Variants in FHIT observed in about 807,000 individuals in gnomAD.
FHIT encodes bis(5'-adenosyl)-triphosphatase.
FHIT carries 19 observed loss-of-function variants against 17.9 expected under a neutral mutation model. The ratio of observed to expected loss-of-function variants is 1.06; its 90% CI spans 0.74 to 1.56. FHIT has a LOEUF of 1.56. Ranked by LOEUF, FHIT falls within the 40% of genes most tolerant of loss-of-function variation. FHIT has a pLI of 0.00. For synonymous variants in FHIT, 81 were observed against 69.7 expected (o/e 1.16, Z -0.81); for missense variants, 248 against 189.2 (o/e 1.31, Z -1.82).
chr3:60,021,059 C>T (rs212026), intron 5 of FHIT, among the ~76,000 whole-genome samples: 151,153 of 152,310 alleles, frequency 0.99, 75,010 homozygotes, highest in Middle Eastern at 1. Context: ...ATAAATGACA[C>T]AGATGTAATT....
At chr3:61,186,601 A>G (rs1187469632) in intron 2 of FHIT, among the ~76,000 whole-genome samples, 1 of 152,102 alleles carries the variant, frequency 6.6e-6, no homozygotes, top group Non-Finnish European at 1.5e-5. Context: ...ATGCTGAGAG[A>G]TATGTTTGTC....
intron 1 of FHIT, among the ~76,000 whole-genome samples, chr3:61,245,255 C>G (rs2040462292): frequency 6.6e-6 from 1 of 152,086 alleles, no homozygotes; most frequent in Non-Finnish European, 1.5e-5. Flanking sequence ...TCACTGAAAA[C>G]TAAAAACATC....
intron 5 of FHIT, among the ~76,000 whole-genome samples, chr3:60,426,882 C>T (rs948650314): frequency 2.0e-5 from 3 of 152,080 alleles, no homozygotes; most frequent in Admixed American, 6.6e-5. Context: ...AAGATTCTTG[C>T]CTCTGGTATA....
intron 8 of FHIT, among the ~76,000 whole-genome samples, chr3:59,915,986 G>T (rs1441485063): frequency 6.6e-6 from 1 of 151,330 alleles, no homozygotes; most frequent in Non-Finnish European, 1.5e-5. Context: ...ATCATATATT[G>T]TGACAGTTAA....
At chr3:60,603,090 G>A (rs1423445512) in intron 4 of FHIT, among the ~76,000 whole-genome samples, 2 of 152,190 alleles carry the variant, frequency 1.3e-5, no homozygotes, top group Non-Finnish European at 2.9e-5. Flanking sequence ...TTTGAAGGTA[G>A]TAAGAGAGGT....
intron 5 of FHIT, among the ~76,000 whole-genome samples, chr3:60,313,882 G>T (rs1417454262): frequency 6.6e-6 from 1 of 152,210 alleles, no homozygotes; most frequent in African/African-American, 2.4e-5. Context: ...GTTGTTTAAA[G>T]ATCAGGCTCA....
At chr3:59,755,047 T>C (rs1701137346) in intron 8 of FHIT, among the ~76,000 whole-genome samples, 1 of 152,162 alleles carries the variant, frequency 6.6e-6, no homozygotes, top group Admixed American at 6.5e-5. Flanking sequence ...GCACTTACTG[T>C]TGAGAATCAC....
At chr3:60,383,219 A>G (rs1224223958) in intron 5 of FHIT, among the ~76,000 whole-genome samples, 1 of 152,192 alleles carries the variant, frequency 6.6e-6, no homozygotes, top group Non-Finnish European at 1.5e-5. Context: ...AATGAGGTCA[A>G]AATAAGCTGG....
At chr3:60,028,886 C>T (rs1409477284) in intron 5 of FHIT, among the ~76,000 whole-genome samples, 2 of 152,072 alleles carry the variant, frequency 1.3e-5, no homozygotes, top group Non-Finnish European at 2.9e-5. Context: ...TATTTCATGA[C>T]ATTGAAAACA....
At chr3:60,931,528 T>C (rs942985953) in intron 3 of FHIT, among the ~76,000 whole-genome samples, 1 of 152,196 alleles carries the variant, frequency 6.6e-6, no homozygotes, top group Admixed American at 6.5e-5. Flanking sequence ...CTGTTTTTAG[T>C]ACAGATCTGT....
intron 5 of FHIT, among the ~76,000 whole-genome samples, chr3:60,202,494 T>C (rs1180390485): frequency 6.6e-6 from 1 of 152,182 alleles, no homozygotes; most frequent in Non-Finnish European, 1.5e-5. Flanking sequence ...CTAGTTGGCA[T>C]TAATTTACTT....
chr3:60,436,358 A>C (rs1330199729), intron 5 of FHIT, among the ~76,000 whole-genome samples: 1 of 151,962 alleles, frequency 6.6e-6, no homozygotes, highest in Non-Finnish European at 1.5e-5. Flanking sequence ...CCAGTACCAC[A>C]TTTTCTTTAT....
chr3:60,986,414 T>C (rs1710722259), intron 3 of FHIT, among the ~76,000 whole-genome samples: 1 of 152,190 alleles, frequency 6.6e-6, no homozygotes. Context: ...TGAATACTGG[T>C]AAATACATCT....
intron 2 of FHIT, among the ~76,000 whole-genome samples, chr3:61,109,481 T>C (rs1410018930): frequency 6.6e-6 from 1 of 152,082 alleles, no homozygotes; most frequent in Non-Finnish European, 1.5e-5. Flanking sequence ...AAATATGCCA[T>C]ATAAACTGCA....
intron 5 of FHIT, among the ~76,000 whole-genome samples, chr3:60,193,378 T>C (rs530222669): frequency 6.6e-6 from 1 of 152,174 alleles, no homozygotes; most frequent in African/African-American, 2.4e-5. Context: ...CTTTCCAGGC[T>C]AACAGAGGAG....
intron 5 of FHIT, among the ~76,000 whole-genome samples, chr3:60,074,475 G>A (rs1461389994): frequency 6.6e-6 from 1 of 151,854 alleles, no homozygotes; most frequent in Non-Finnish European, 1.5e-5. Flanking sequence ...TCCCTAGACA[G>A]ACACAAATTA....
At chr3:59,853,552 A>AG (rs1464425388) in intron 8 of FHIT, among the ~76,000 whole-genome samples, 2 of 152,240 alleles carry the variant, frequency 1.3e-5, no homozygotes, top group African/African-American at 4.8e-5. Context: ...TGAAACTGGA[A>AG]GCTTATCTAA....
chr3:59,956,394 G>A (rs1707399686), intron 7 of FHIT, among the ~76,000 whole-genome samples: 1 of 152,210 alleles, frequency 6.6e-6, no homozygotes, highest in African/African-American at 2.4e-5. Flanking sequence ...AAAAGGCCGG[G>A]CATGGTGGCT....
intron 4 of FHIT, among the ~76,000 whole-genome samples, chr3:60,799,525 A>G (rs540122942): frequency 6.6e-6 from 1 of 152,098 alleles, no homozygotes; most frequent in Non-Finnish European, 1.5e-5. Flanking sequence ...GTTCTTCCCT[A>G]TCTTCCAACT....
Sources: gnomAD v4.1 joint callset for allele counts (sites outside exome capture counted in the v4.1 genomes callset) on GRCh38, gnomAD v4.1.1 for gene constraint, MANE v1.5 for transcripts, NCBI Gene and HGNC (gene_info 2026-07-23, HGNC 2026-07-21) for gene names.